Variants in REXO5 observed in about 807,000 individuals in gnomAD.
REXO5 encodes exonuclease NEF-sp.
In REXO5, 48 loss-of-function variants were observed where a neutral mutation model predicts 88.5. That is an observed-to-expected ratio of 0.54 (90% CI 0.43 to 0.69). REXO5 has a LOEUF of 0.69. Among genes scored for constraint, REXO5 ranks in the 30% least tolerant of loss-of-function variants. The probability of loss-of-function intolerance (pLI) is 0.00; values close to 1 mark genes in which losing one functional copy is unlikely to be tolerated. For synonymous variants in REXO5, 311 were observed against 336.5 expected (o/e 0.92, Z 0.83); for missense variants, 749 against 912.2 (o/e 0.82, Z 2.30).
chr16:20,835,449 C>T (rs1381094388), intron 13 of REXO5, among the ~76,000 whole-genome samples: 3 of 152,144 alleles, frequency 2.0e-5, no homozygotes, highest in African/African-American at 7.2e-5. Context: ...CTTGTGTTAG[C>T]CCTTGCGATT....
intron 13 of REXO5, among the ~76,000 whole-genome samples, chr16:20,836,236 T>C (rs961842598): frequency 2.0e-5 from 3 of 152,214 alleles, no homozygotes; most frequent in Non-Finnish European, 4.4e-5. Context: ...GACATATATC[T>C]ACCATTATAG....
intron 5 of REXO5, among the ~76,000 whole-genome samples, chr16:20,817,755 G>C (rs1596573764): frequency 6.6e-6 from 1 of 152,158 alleles, no homozygotes; most frequent in East Asian, 1.9e-4. Flanking sequence ...TCGTTAATCA[G>C]TCTTTCCTTC....
intron 6 of REXO5, chr16:20,823,597 C>T (rs1004641188): frequency 6.6e-6 from 1 of 152,154 alleles, no homozygotes; most frequent in African/African-American, 2.4e-5. Flanking sequence ...CTGGGATAGA[C>T]CATCTTTTGA....
At chr16:20,842,701 C>T (rs35959856) in intron 15 of REXO5, among the ~76,000 whole-genome samples, 3,511 of 152,182 alleles carry the variant, frequency 0.023, 72 homozygotes, top group Non-Finnish European at 0.031. Context: ...GAGATCCACC[C>T]ACCTTGGCCT....
At chr16:20,819,133 GGT>G (rs1285735870) in intron 5 of REXO5, among the ~76,000 whole-genome samples, 1 of 152,052 alleles carries the variant, frequency 6.6e-6, no homozygotes, top group African/African-American at 2.4e-5. Flanking sequence ...AGTATTCCAT[GGT>G]GTATATGTAC....
At position 20,846,350 on chromosome 16, in the gene REXO5, G is replaced by A. The variant is rs1403761241; in HGVS notation, c.2243+11G>A. 2 of 1,597,144 alleles carry A rather than the reference G, an allele frequency of 1.3e-6. No individual in the cohort carries two copies. The highest frequency in any genetic ancestry group is 2.7e-5 in the African/African-American group (2 of 74,556). ...GCCAGGAACCAAGAGGTAAGGACTA[G>A]AAAGGGTATCCCTTCAGGACTCTGT... On this transcript the variant is annotated intron_variant, in intron 19 of 19. Coordinates refer to ENST00000261377, the MANE Select transcript of REXO5 (RefSeq NM_030941.3).
At chr16:20,819,581 T>G (rs2081137198) in intron 5 of REXO5, among the ~76,000 whole-genome samples, 1 of 150,058 alleles carries the variant, frequency 6.7e-6, no homozygotes, top group Non-Finnish European at 1.5e-5. Flanking sequence ...CATGGAGAAA[T>G]CCCATCTCTA....
Position 20,849,544 on chromosome 16 carries a change from T to C in REXO5, c.*64T>C. On this transcript the variant is annotated 3_prime_UTR_variant, in exon 20 of 20. Coordinates refer to ENST00000261377, the MANE Select transcript of REXO5 (RefSeq NM_030941.3). ...TTGTAGGCAATGGCAAAGAATGTGG[T>C]CAGGCTGTAGCCTCCCCAACCAGCA... 1 of 1,459,920 alleles carries C rather than the reference T, an allele frequency of 6.8e-7. No individual in the cohort carries two copies. The allele number at this position is 1,459,920 out of a possible 1,614,324, so 90.4% of individuals were successfully genotyped here. A position where few individuals can be genotyped will look rare whatever the true frequency, so the allele number is the denominator to read the frequency against.
At chr16:20,849,109 CGATAGTCTTCACCAAATCCCTGTGA>C (rs2081654229) in intron 19 of REXO5, among the ~76,000 whole-genome samples, 1 of 152,174 alleles carries the variant, frequency 6.6e-6, no homozygotes, top group Non-Finnish European at 1.5e-5. Flanking sequence ...TTGCTATTGT[CGATAGTCTTCACCAAATCCCTGTGA>C]GATAGTAATT....
intron 18 of REXO5, among the ~76,000 whole-genome samples, chr16:20,845,482 A>T (rs982230473): frequency 2.6e-5 from 4 of 152,136 alleles, no homozygotes; most frequent in African/African-American, 9.7e-5. Context: ...AAAGGCAGGA[A>T]GTCAGAGAGC....
intron 11 of REXO5, among the ~76,000 whole-genome samples, chr16:20,829,401 A>G (rs914200548): frequency 2.6e-5 from 4 of 152,202 alleles, no homozygotes; most frequent in Non-Finnish European, 4.4e-5. Flanking sequence ...AAATGTTAGA[A>G]CAACACATAA....
chr16:20,816,259 C>T lies in REXO5; in HGVS notation c.475+47C>T, dbSNP rs765036959. ...GATGCTTTGCTCACTCTAAAAGATACGGATATGATTGTAAGTAGGTTTAGC... is the reference window on the plus strand; with the variant it reads ...GATGCTTTGCTCACTCTAAAAGATATGGATATGATTGTAAGTAGGTTTAGC... On this transcript the variant is annotated intron_variant, in intron 5 of 19. Transcript: ENST00000261377. 1.6e-5 allele frequency: 23 copies of T among 1,427,250 alleles called. No individual in the cohort carries two copies. The East Asian group carries it at 2.8e-4, about 17-fold the overall frequency. The allele number at this position is 1,427,250 out of a possible 1,614,324, so 88.4% of individuals were successfully genotyped here.
intron 7 of REXO5, 54 bp from the exon 8 acceptor site, chr16:20,825,779 G>T: frequency 7.9e-7 from 1 of 1,269,228 alleles, no homozygotes; most frequent in African/African-American, 1.5e-5. Context: ...TAAATAGTAA[G>T]AAGAAGCAAT....
At chr16:20,813,929 G>C (rs1309699291) in intron 3 of REXO5, among the ~76,000 whole-genome samples, 1 of 152,012 alleles carries the variant, frequency 6.6e-6, no homozygotes, top group African/African-American at 2.4e-5. Context: ...TTCTGATATT[G>C]TTGGTGCCAT....
chr16:20,838,680 A>G (rs554846711), intron 13 of REXO5, among the ~76,000 whole-genome samples: 1 of 152,292 alleles, frequency 6.6e-6, no homozygotes, highest in South Asian at 2.1e-4. Context: ...CAGCTCTAAC[A>G]TGCCATGGTG....
intron 19 of REXO5, among the ~76,000 whole-genome samples, chr16:20,848,190 C>G (rs761699953): frequency 6.6e-6 from 1 of 152,108 alleles, no homozygotes; most frequent in Non-Finnish European, 1.5e-5. Context: ...CTTCTCTGGG[C>G]CTTGTTTGTG....
chr16:20,848,979 A>G (rs1021255569), intron 19 of REXO5, among the ~76,000 whole-genome samples: 3 of 152,122 alleles, frequency 2.0e-5, no homozygotes, highest in South Asian at 2.1e-4. Flanking sequence ...AATGTCTATG[A>G]GCTTTTTTAT....
intron 2 of REXO5, among the ~76,000 whole-genome samples, chr16:20,811,758 GT>G (rs2081002732): frequency 6.6e-6 from 1 of 152,210 alleles, no homozygotes; most frequent in African/African-American, 2.4e-5. Flanking sequence ...TAATGTAAGA[GT>G]TTAACATTAG....
At chr16:20,846,387 C>G in intron 19 of REXO5, 48 bp downstream of exon 19, 1 of 1,405,996 alleles carries the variant, frequency 7.1e-7, no homozygotes. Flanking sequence ...CCCTGGATTT[C>G]AGCTGTTCTT....
Sources: gnomAD v4.1 joint callset for allele counts (sites outside exome capture counted in the v4.1 genomes callset) on GRCh38, gnomAD v4.1.1 for gene constraint, MANE v1.5 for transcripts, NCBI Gene and HGNC (gene_info 2026-07-23, HGNC 2026-07-21) for gene names.